Variants in CELF5 observed in about 807,000 individuals in gnomAD.
CELF5 encodes the protein CUGBP Elav-like family member 5, also known as CUG-BP and ETR-3 like factor 5.
In CELF5, 6 loss-of-function variants were observed where a neutral mutation model predicts 54.9. The observed-to-expected ratio is 0.11, with a 90% CI of 0.06 to 0.22. The LOEUF is 0.22. CELF5 is among the 10% of genes least tolerant of loss of function. CELF5 has a pLI of 1.00. For missense variants in CELF5, 401 were observed against 678.6 expected (o/e 0.59, Z 4.54); for synonymous variants, 271 against 290.9 (o/e 0.93, Z 0.70).
chr19:3,240,750 G>A (rs1332218626), intron 1 of CELF5, among the ~76,000 whole-genome samples: 3 of 151,994 alleles, frequency 2.0e-5, no homozygotes, highest in Admixed American at 1.3e-4. Context: ...CCTTCAGAGC[G>A]TCCCCAGCCC....
chr19:3,292,463 T>C (rs1332140683), intron 11 of CELF5, among the ~76,000 whole-genome samples: 1 of 151,556 alleles, frequency 6.6e-6, no homozygotes, highest in African/African-American at 2.4e-5. Flanking sequence ...TTTGTATTTT[T>C]AGTAGAGACG....
intron 10 of CELF5, among the ~76,000 whole-genome samples, chr19:3,287,583 A>T (rs2080275353): frequency 6.6e-6 from 1 of 150,836 alleles, no homozygotes; most frequent in Non-Finnish European, 1.5e-5. Flanking sequence ...AAATTAAATT[A>T]AAAAAATAAA....
chr19:3,248,294 G>A (rs982719064), intron 1 of CELF5, among the ~76,000 whole-genome samples: 1 of 152,058 alleles, frequency 6.6e-6, no homozygotes, highest in Non-Finnish European at 1.5e-5. Context: ...GTGCTGGGAT[G>A]ACAGGCGAGA....
chr19:3,248,656 G>A (rs1374599994), intron 1 of CELF5, among the ~76,000 whole-genome samples: 1 of 152,102 alleles, frequency 6.6e-6, no homozygotes, highest in East Asian at 1.9e-4. Flanking sequence ...CGGCCACTGT[G>A]AATCTTACTG....
chr19:3,286,141 T>G, intron 10 of CELF5, 116 bp downstream of exon 10: 1 of 906,922 alleles, frequency 1.1e-6, no homozygotes. Flanking sequence ...GAGTGCGGCC[T>G]GGGGGCTGGA....
At chr19:3,248,901 CCTTCCTTTCTTTCTTTCTTT>C (rs2079607173) in intron 1 of CELF5, among the ~76,000 whole-genome samples, 1 of 104,202 alleles carries the variant, frequency 9.6e-6, no homozygotes, top group Non-Finnish European at 2.0e-5. Flanking sequence ...TTCCTTCCTT[CCTTCCTTTCTTTCTTTCTTT>C]CTTTCTTTTC....
At position 3,296,594 on chromosome 19, in the gene CELF5, C is replaced by A. The variant is rs536583890; in HGVS notation, c.*41-164C>A. The A allele has an allele frequency of 2.6e-5, 4 of 152,284 alleles. No homozygotes were observed. The East Asian group carries it at 7.7e-4, about 29-fold the overall frequency. 9.4% of individuals were successfully genotyped at this position (152,284 alleles called of 1,614,324 possible). A position where few individuals can be genotyped will look rare whatever the true frequency, so the allele number is the denominator to read the frequency against. Reference sequence around the variant, plus strand: ...TGTTCCGTGTGTCCCCGTGTGCAAGCGTGTGCCATGCCAATCTGCCTCGAG... The same window carrying A: ...TGTTCCGTGTGTCCCCGTGTGCAAGAGTGTGCCATGCCAATCTGCCTCGAG... On this transcript the variant is annotated intron_variant, in intron 12 of 12. Transcript: ENST00000292672.
chr19:3,226,616 C>T (rs954080973), intron 1 of CELF5, among the ~76,000 whole-genome samples: 2 of 152,134 alleles, frequency 1.3e-5, no homozygotes, highest in Admixed American at 1.3e-4. Context: ...TGGGTACACC[C>T]AAAGCACCCA....
intron 1 of CELF5, among the ~76,000 whole-genome samples, chr19:3,250,207 G>A (rs1189041015): frequency 1.3e-5 from 2 of 152,220 alleles, no homozygotes; most frequent in Non-Finnish European, 2.9e-5. Flanking sequence ...GCATGGTTCA[G>A]GCCGGGTGCG....
rs1024138550 is a variant in CELF5 at position 3,291,691 on chromosome 19, G to A, written c.1330+1317G>A. ...TGCAAAGACCCCGAGGCAGGACGGC[G>A]CCTGACATGTTGGAGGAGCAGTGAG... On this transcript the variant is annotated intron_variant, in intron 11 of 12. Transcript: ENST00000292672. Among the ~76,000 whole-genome samples, 10 of 151,702 alleles carry A rather than the reference G, an allele frequency of 6.6e-5. No individual in the cohort carries two copies. The South Asian group carries it at 1.0e-3, about 16-fold the overall frequency.
At chr19:3,288,819 G>A (rs1177305060) in intron 10 of CELF5, among the ~76,000 whole-genome samples, 1 of 152,142 alleles carries the variant, frequency 6.6e-6, no homozygotes, top group Non-Finnish European at 1.5e-5. Flanking sequence ...CTGCAATCCA[G>A]CCTGGGTAAC....
chr19:3,251,113 C>G (rs2079641407), intron 2 of CELF5, 46 bp downstream of exon 2: 4 of 1,458,302 alleles, frequency 2.7e-6, no homozygotes, highest in Admixed American at 1.7e-5. Context: ...GGGGATGGCT[C>G]TCAGCCTGGG....
At chr19:3,272,631 A>G (rs115726895) in intron 2 of CELF5, among the ~76,000 whole-genome samples, 104 of 152,216 alleles carry the variant, frequency 6.8e-4, no homozygotes, top group African/African-American at 2.5e-3. Context: ...GGTTTCTCCA[A>G]TTCCTCCATG....
chr19:3,235,997 T>C (rs943366144), intron 1 of CELF5, among the ~76,000 whole-genome samples: 1 of 152,106 alleles, frequency 6.6e-6, no homozygotes, highest in Non-Finnish European at 1.5e-5. Context: ...GCGAGAGATC[T>C]GGGGTCTAGA....
chr19:3,226,961 A>G (rs1179739894), intron 1 of CELF5, among the ~76,000 whole-genome samples: 1 of 151,814 alleles, frequency 6.6e-6, no homozygotes, highest in Non-Finnish European at 1.5e-5. Flanking sequence ...TCCCTGGGGT[A>G]CCTCGGGGGT....
intron 2 of CELF5, among the ~76,000 whole-genome samples, chr19:3,272,292 C>T (rs2079979264): frequency 6.6e-6 from 1 of 151,904 alleles, no homozygotes; most frequent in Non-Finnish European, 1.5e-5. Context: ...TTGCTTGAAC[C>T]CAGGAGGTGG....
rs145293607 is a variant in CELF5, at chr19:3,267,135, C to T, written c.343-6737C>T. Among the ~76,000 whole-genome samples, 554 of 151,940 alleles carry T rather than the reference C, an allele frequency of 3.6e-3. 5 individuals are homozygous for T. Among genetic ancestry groups the T allele is most frequent in the African/African-American group, 0.013 (532 of 41,396 alleles). ...TGTGCGTGTGTGTTGGGGGACAGTA[C>T]GAGTGGACCCTTCTGTCTCTTTATA... On this transcript the variant is annotated intron_variant, in intron 2 of 12. Coordinates refer to ENST00000292672, the MANE Select transcript of CELF5 (RefSeq NM_021938.4).
chr19:3,240,329 T>C (rs1359629714), intron 1 of CELF5, among the ~76,000 whole-genome samples: 1 of 151,464 alleles, frequency 6.6e-6, no homozygotes, highest in East Asian at 1.9e-4. Context: ...TCTTTTTCTT[T>C]CTTTCTTTTT....
At chr19:3,287,848 T>G (rs556238814) in intron 10 of CELF5, among the ~76,000 whole-genome samples, 11 of 152,100 alleles carry the variant, frequency 7.2e-5, no homozygotes, top group Non-Finnish European at 1.5e-4. Context: ...AGCACTGTTT[T>G]CTCCATGTTA....
Sources: gnomAD v4.1 joint callset for allele counts (sites outside exome capture counted in the v4.1 genomes callset) on GRCh38, gnomAD v4.1.1 for gene constraint, MANE v1.5 for transcripts, NCBI Gene and HGNC (gene_info 2026-07-23, HGNC 2026-07-21) for gene names.